Variants in UBE2H observed in about 807,000 individuals in gnomAD.
UBE2H encodes ubiquitin-conjugating enzyme E2 H.
UBE2H carries 3 observed loss-of-function variants against 29.0 expected under a neutral mutation model. The observed-to-expected ratio is 0.10, with a 90% CI of 0.05 to 0.27. UBE2H has a LOEUF of 0.27. Among genes scored for constraint, UBE2H ranks in the 10% least tolerant of loss-of-function variants. UBE2H has a pLI of 1.00. For synonymous variants in UBE2H, 69 were observed against 82.9 expected (o/e 0.83, Z 0.91); for missense variants, 68 against 228.2 (o/e 0.30, Z 4.52).
At chr7:129,862,124 C>T (rs1207494601) in intron 3 of UBE2H, among the ~76,000 whole-genome samples, 1 of 152,162 alleles carries the variant, frequency 6.6e-6, no homozygotes, top group African/African-American at 2.4e-5. Flanking sequence ...GAGTATGCTG[C>T]TATCACTACT....
intron 1 of UBE2H, among the ~76,000 whole-genome samples, chr7:129,937,550 G>C (rs1254473557): frequency 1.3e-5 from 2 of 152,128 alleles, no homozygotes; most frequent in East Asian, 3.8e-4. Context: ...GGATAAAAAA[G>C]ATGAGTGGAT....
At chr7:129,952,186 A>G (rs1000950458) in intron 1 of UBE2H, among the ~76,000 whole-genome samples, 1 of 151,628 alleles carries the variant, frequency 6.6e-6, no homozygotes, top group Non-Finnish European at 1.5e-5. Flanking sequence ...GGTGGTAGAG[A>G]GTGAGGCGAC....
chr7:129,906,364 G>A (rs552494200), intron 1 of UBE2H, among the ~76,000 whole-genome samples: 1 of 151,968 alleles, frequency 6.6e-6, no homozygotes. Context: ...GCCACCACAT[G>A]CGGCTAATTT....
chr7:129,915,670 T>C (rs1807029453), intron 1 of UBE2H, among the ~76,000 whole-genome samples: 1 of 152,212 alleles, frequency 6.6e-6, no homozygotes, highest in African/African-American at 2.4e-5. Flanking sequence ...CAGAAAGGCA[T>C]CTGTTTAGAA....
chr7:129,846,490 G>T (rs1805514591), intron 5 of UBE2H, among the ~76,000 whole-genome samples: 1 of 152,000 alleles, frequency 6.6e-6, no homozygotes, highest in African/African-American at 2.4e-5. Flanking sequence ...CAGGTGGATG[G>T]GTCGAGGCTG....
intron 3 of UBE2H, among the ~76,000 whole-genome samples, chr7:129,866,738 T>C (rs1298115141): frequency 6.6e-6 from 1 of 152,198 alleles, no homozygotes; most frequent in African/African-American, 2.4e-5. Flanking sequence ...GATGTAACAA[T>C]ACATTTTTTA....
chr7:129,946,307 C>T (rs1389287883), intron 1 of UBE2H, among the ~76,000 whole-genome samples: 2 of 152,020 alleles, frequency 1.3e-5, no homozygotes, highest in African/African-American at 4.8e-5. Flanking sequence ...GATTTGTCTG[C>T]CTCAACCTCC....
At chr7:129,846,572 CA>C (rs34182980) in intron 5 of UBE2H, among the ~76,000 whole-genome samples, 145,217 of 151,042 alleles carry the variant, frequency 0.96, 69,967 homozygotes, top group East Asian at 1. Context: ...ACCCCCCACT[CA>C]AAAAAAAAAT....
intron 4 of UBE2H, among the ~76,000 whole-genome samples, chr7:129,858,150 GATTAA>G (rs1301864147): frequency 1.3e-5 from 2 of 152,200 alleles, no homozygotes. Flanking sequence ...TATGGCAGTA[GATTAA>G]ATAAGTATTG....
chr7:129,886,767 T>TTTTTTTTG (rs1554435104), intron 1 of UBE2H, among the ~76,000 whole-genome samples: 1 of 72,066 alleles, frequency 1.4e-5, no homozygotes, highest in African/African-American at 5.3e-5. Context: ...TGTTTTTTGG[T>TTTTTTTTG]AAAAAAAAAA....
At chr7:129,885,819 C>T (rs1019261784) in intron 1 of UBE2H, among the ~76,000 whole-genome samples, 2 of 152,156 alleles carry the variant, frequency 1.3e-5, no homozygotes, top group Non-Finnish European at 2.9e-5. Context: ...AAGAAAAACA[C>T]TGCATTAAAA....
chr7:129,933,310 A>T (rs1320543021), intron 1 of UBE2H, among the ~76,000 whole-genome samples: 1 of 152,204 alleles, frequency 6.6e-6, no homozygotes, highest in Non-Finnish European at 1.5e-5. Context: ...ATCAAATATT[A>T]AGGAAAACCC....
intron 1 of UBE2H, among the ~76,000 whole-genome samples, chr7:129,915,801 C>G (rs1807032873): frequency 6.6e-6 from 1 of 152,144 alleles, no homozygotes; most frequent in South Asian, 2.1e-4. Context: ...TCCTACCATC[C>G]CCAGCATGCA....
intron 1 of UBE2H, among the ~76,000 whole-genome samples, chr7:129,936,839 G>A (rs150960981): frequency 0.046 from 6,961 of 149,852 alleles, 183 homozygotes; most frequent in South Asian, 0.13. Context: ...TTAGCCAGGT[G>A]TGGTGGCAGG....
intron 1 of UBE2H, among the ~76,000 whole-genome samples, chr7:129,882,429 T>C (rs377284259): frequency 6.6e-6 from 1 of 152,232 alleles, no homozygotes; most frequent in African/African-American, 2.4e-5. Context: ...TTTTAAAGAT[T>C]TGAAATTAAA....
chr7:129,884,662 G>A (rs577810218), intron 1 of UBE2H, among the ~76,000 whole-genome samples: 37 of 148,580 alleles, frequency 2.5e-4, no homozygotes, highest in Admixed American at 9.5e-4. Context: ...GCATGATCAC[G>A]GCTCACTGCA....
chr7:129,949,266 C>G (rs963067357), intron 1 of UBE2H, among the ~76,000 whole-genome samples: 1 of 152,172 alleles, frequency 6.6e-6, no homozygotes, highest in African/African-American at 2.4e-5. Flanking sequence ...CACCAGAGCC[C>G]CAGCTCTCAG....
In UBE2H at chr7:129,883,417, G is replaced by A. The variant is rs562634408; in HGVS notation, c.54-2446C>T. 1.2e-4 allele frequency among the ~76,000 whole-genome samples: 18 copies of A among 152,308 alleles called. No individual in the cohort carries two copies. The East Asian group carries it at 1.7e-3, about 15-fold the overall frequency. On this transcript the variant is annotated intron_variant, in intron 1 of 6. Transcript: ENST00000355621. Reference sequence around the variant, plus strand: ...ATACATATGGATAGTTACATTCACCGAAACCGATGTTTAAGAATGTTCACA... The same window carrying A: ...ATACATATGGATAGTTACATTCACCAAAACCGATGTTTAAGAATGTTCACA...
chr7:129,905,656 A>T (rs1334058582), intron 1 of UBE2H, among the ~76,000 whole-genome samples: 1 of 152,200 alleles, frequency 6.6e-6, no homozygotes, highest in Non-Finnish European at 1.5e-5. Context: ...TTTGAGGTGA[A>T]CCTCACAGAC....
Sources: allele counts gnomAD v4.1 joint callset (sites outside exome capture counted in the v4.1 genomes callset), GRCh38; gene constraint gnomAD v4.1.1; transcripts MANE v1.5; gene names NCBI Gene and HGNC (gene_info 2026-07-23, HGNC 2026-07-21).